The following HEMK2 variants were observed in gnomAD, a reference collection of about 807,000 sequenced individuals.
HEMK2 encodes the protein methyltransferase HEMK2.
chr21:28,678,314 C>T, the HEMK2 span, among the ~76,000 whole-genome samples: 4 of 151,844 alleles, frequency 2.6e-5, no homozygotes, highest in Non-Finnish European at 4.4e-5. Context: ...ATCATATGAA[C>T]GAAATGAAAC....
chr21:28,623,980 TAAA>T, the HEMK2 span, among the ~76,000 whole-genome samples: 1 of 151,528 alleles, frequency 6.6e-6, no homozygotes, highest in Non-Finnish European at 1.5e-5. Flanking sequence ...CTTAAAGTAT[TAAA>T]AAAAAACTCA....
the HEMK2 span, among the ~76,000 whole-genome samples, chr21:28,687,274 C>A: frequency 1.2e-4 from 19 of 152,348 alleles, no homozygotes; most frequent in East Asian, 3.5e-3. Flanking sequence ...AAACATACTG[C>A]ACCTGGGGCT....
At chr21:28,670,917 C>G in the HEMK2 span, 4 of 152,242 alleles carry the variant, frequency 2.6e-5, no homozygotes, top group African/African-American at 9.7e-5. Context: ...AATCACCTCC[C>G]ACCAAGTCCT....
the HEMK2 span, among the ~76,000 whole-genome samples, chr21:28,718,780 A>T: frequency 6.6e-6 from 1 of 152,200 alleles, no homozygotes; most frequent in Non-Finnish European, 1.5e-5. Context: ...GTTTCAAACA[A>T]AGAAAATTGT....
At chr21:28,822,670 G>T in the HEMK2 span, among the ~76,000 whole-genome samples, 1 of 152,006 alleles carries the variant, frequency 6.6e-6, no homozygotes, top group African/African-American at 2.4e-5. Context: ...AGGAACTCCA[G>T]CTGGAGCCAT....
chr21:28,649,614 G>T, the HEMK2 span, among the ~76,000 whole-genome samples: 3 of 152,140 alleles, frequency 2.0e-5, no homozygotes, highest in Non-Finnish European at 4.4e-5. Flanking sequence ...TGTTATGCTG[G>T]GATACAGGAT....
At chr21:28,839,000 T>TACATATATATATATATATATATATAC in the HEMK2 span, among the ~76,000 whole-genome samples, 5 of 58,010 alleles carry the variant, frequency 8.6e-5, no homozygotes, top group African/African-American at 3.3e-4. Context: ...TATATATATA[T>TACATATATATATATATATATATATAC]ACATATATAT....
the HEMK2 span, among the ~76,000 whole-genome samples, chr21:28,711,586 C>G: frequency 6.6e-6 from 1 of 152,066 alleles, no homozygotes; most frequent in African/African-American, 2.4e-5. Context: ...ACCTGTTGAT[C>G]TAGAGGAGGG....
the HEMK2 span, among the ~76,000 whole-genome samples, chr21:28,720,428 A>G: frequency 6.6e-6 from 1 of 152,200 alleles, no homozygotes; most frequent in African/African-American, 2.4e-5. Context: ...AACAGACAGT[A>G]ATGTTAAAAT....
the HEMK2 span, among the ~76,000 whole-genome samples, chr21:28,597,138 C>T: frequency 2.6e-5 from 4 of 151,858 alleles, no homozygotes; most frequent in African/African-American, 9.7e-5. Context: ...ATATGATAGG[C>T]AAAAGGGAAC....
the HEMK2 span, among the ~76,000 whole-genome samples, chr21:28,816,939 A>G: frequency 6.6e-6 from 1 of 152,254 alleles, no homozygotes; most frequent in African/African-American, 2.4e-5. Flanking sequence ...TCAGAGCTGA[A>G]GAAACACATG....
chr21:28,639,920 G>A, the HEMK2 span, among the ~76,000 whole-genome samples: 1 of 152,162 alleles, frequency 6.6e-6, no homozygotes, highest in African/African-American at 2.4e-5. Flanking sequence ...TGAACCAAGA[G>A]AAGGTATTAG....
chr21:28,765,139 G>T, the HEMK2 span, among the ~76,000 whole-genome samples: 18 of 152,176 alleles, frequency 1.2e-4, no homozygotes, highest in East Asian at 3.5e-3. Context: ...ATGTTGAGAA[G>T]AAAGAGTGAC....
At chr21:28,854,176 C>T in the HEMK2 span, among the ~76,000 whole-genome samples, 2 of 152,136 alleles carry the variant, frequency 1.3e-5, no homozygotes, top group Admixed American at 1.3e-4. Flanking sequence ...TGGTTCCCCA[C>T]ATATGATCAA....
At chr21:28,806,576 G>C in the HEMK2 span, among the ~76,000 whole-genome samples, 1 of 152,158 alleles carries the variant, frequency 6.6e-6, no homozygotes, top group Non-Finnish European at 1.5e-5. Flanking sequence ...CTTGTAAAAA[G>C]GAGGTATTGG....
At chr21:28,616,730 C>G in the HEMK2 span, among the ~76,000 whole-genome samples, 2 of 152,152 alleles carry the variant, frequency 1.3e-5, no homozygotes, top group Non-Finnish European at 2.9e-5. Context: ...TTGCCAGTTC[C>G]TACCCTACAA....
chr21:28,696,145 T>C, the HEMK2 span, among the ~76,000 whole-genome samples: 1 of 152,070 alleles, frequency 6.6e-6, no homozygotes, highest in Non-Finnish European at 1.5e-5. Flanking sequence ...ATAAGACTTA[T>C]TCACTACCAC....
the HEMK2 span, among the ~76,000 whole-genome samples, chr21:28,598,963 G>A: frequency 6.6e-6 from 1 of 152,212 alleles, no homozygotes; most frequent in Non-Finnish European, 1.5e-5. Flanking sequence ...AATAGTGGCA[G>A]TAAAGGATTG....
At chr21:28,680,078 T>TA in the HEMK2 span, among the ~76,000 whole-genome samples, 6 of 152,002 alleles carry the variant, frequency 3.9e-5, no homozygotes, top group Non-Finnish European at 5.9e-5. Context: ...AATAGAGACA[T>TA]AAAAAACCCT....
Sources: allele counts gnomAD v4.1 joint callset (sites outside exome capture counted in the v4.1 genomes callset), GRCh38; gene constraint gnomAD v4.1.1; transcripts MANE v1.5; gene names NCBI Gene and HGNC (gene_info 2026-07-23, HGNC 2026-07-21).